The following GRK5 variants were observed in gnomAD, a reference collection of about 807,000 sequenced individuals.
GRK5 encodes the protein g protein-coupled receptor kinase GRK5.
In GRK5, 40 loss-of-function variants were observed where a neutral mutation model predicts 78.4. The observed-to-expected ratio is 0.51, with a 90% CI of 0.40 to 0.66. GRK5 has a LOEUF of 0.66. Ranked by LOEUF, GRK5 falls within the 30% of genes least tolerant of loss-of-function variation. The pLI, the probability that GRK5 is intolerant of heterozygous loss-of-function variation, is 0.00. For synonymous variants in GRK5, 289 were observed against 296.8 expected (o/e 0.97, Z 0.27); for missense variants, 598 against 759.9 (o/e 0.79, Z 2.50).
rs1852829469 is a variant in GRK5, at chr10:119,431,953, G to A, written c.738+426G>A. On this transcript the variant is annotated intron_variant, in intron 8 of 15. Transcript: ENST00000392870. The surrounding 1 kb of genome is among the most constrained non-coding windows in gnomAD (Gnocchi z 4.8). ...TATCAAGTCTGTGTGCATTGTGTTA[G>A]TCAGTCTAGGCTGGGCCCTGCTGCA... Among the ~76,000 whole-genome samples the A allele has an allele frequency of 6.6e-6, 1 of 152,204 alleles. No homozygotes were observed. Among genetic ancestry groups the A allele is most frequent in the African/African-American group, 2.4e-5 (1 of 41,436 alleles).
intron 1 of GRK5, among the ~76,000 whole-genome samples, chr10:119,297,142 T>A (rs1004096479): frequency 2.6e-5 from 4 of 152,124 alleles, no homozygotes; most frequent in African/African-American, 9.7e-5. Flanking sequence ...AGTCGGGAGT[T>A]GTATGGGCCC....
intron 5 of GRK5, among the ~76,000 whole-genome samples, chr10:119,424,105 T>C (rs1441596143): frequency 6.6e-6 from 1 of 152,172 alleles, no homozygotes; most frequent in African/African-American, 2.4e-5. Flanking sequence ...AGAGAGGCCC[T>C]GGTGGGCAGA....
At chr10:119,420,630 G>T (rs1852553640) in intron 4 of GRK5, among the ~76,000 whole-genome samples, 1 of 148,794 alleles carries the variant, frequency 6.7e-6, no homozygotes, top group Admixed American at 6.8e-5. Context: ...CTAGGCTGTA[G>T]TGCAGTGGTG....
chr10:119,362,723 A>C (rs1851386240), intron 2 of GRK5, among the ~76,000 whole-genome samples: 3 of 152,156 alleles, frequency 2.0e-5, no homozygotes, highest in Admixed American at 2.0e-4. Flanking sequence ...GCTGCCCAAG[A>C]AGCATGGGAC....
chr10:119,375,226 A>G (rs1851604148), intron 2 of GRK5, among the ~76,000 whole-genome samples: 1 of 152,090 alleles, frequency 6.6e-6, no homozygotes, highest in Non-Finnish European at 1.5e-5. Flanking sequence ...ACACTTCAGC[A>G]CACCCTGCAG....
chr10:119,304,702 G>A (rs192769037), intron 1 of GRK5, among the ~76,000 whole-genome samples: 17 of 152,250 alleles, frequency 1.1e-4, no homozygotes, highest in Admixed American at 9.8e-4. Context: ...AGTGCACCAC[G>A]CTGCCTGCTC....
Position 119,337,393 on chromosome 10 carries a change from G to A in GRK5, c.148+10782G>A, listed in dbSNP as rs577726603. 3.9e-5 allele frequency among the ~76,000 whole-genome samples: 6 copies of A among 152,298 alleles called. No homozygotes were observed. In the East Asian group the frequency reaches 9.6e-4, roughly 24 times the overall value. ...GTGGCTTAAGCAGCAGCAGTTTATT[G>A]TCTCACAGTTCTGGAGGCTGGAAGT... On this transcript the variant is annotated intron_variant, in intron 2 of 15. Transcript: ENST00000392870.
At chr10:119,374,867 TG>T (rs1851599623) in intron 2 of GRK5, among the ~76,000 whole-genome samples, 1 of 152,170 alleles carries the variant, frequency 6.6e-6, no homozygotes, top group East Asian at 1.9e-4. Context: ...TGCCTGCTCC[TG>T]CTTCACCTTC....
intron 1 of GRK5, among the ~76,000 whole-genome samples, chr10:119,293,131 T>C (rs947306501): frequency 3.9e-5 from 6 of 152,214 alleles, no homozygotes; most frequent in Non-Finnish European, 8.8e-5. Flanking sequence ...TTGTTTAAGG[T>C]TATGCAGCCA....
chr10:119,394,374 G>A (rs373203308), intron 3 of GRK5, among the ~76,000 whole-genome samples: 29 of 14,576 alleles, frequency 2.0e-3, no homozygotes, highest in South Asian at 3.5e-3. Context: ...GTGTGTGGGT[G>A]TCGGTGTGTG....
chr10:119,275,235 T>C (rs560465486), intron 1 of GRK5, among the ~76,000 whole-genome samples: 1 of 152,288 alleles, frequency 6.6e-6, no homozygotes, highest in African/African-American at 2.4e-5. Flanking sequence ...TGGAGTAAAG[T>C]GTCAGGGCAC....
chr10:119,303,838 G>C (rs1309112948), intron 1 of GRK5, among the ~76,000 whole-genome samples: 1 of 152,008 alleles, frequency 6.6e-6, no homozygotes, highest in African/African-American at 2.4e-5. Flanking sequence ...TGGCATGGAA[G>C]GTGGGGGAGG....
chr10:119,452,634 C>A lies in GRK5; in HGVS notation c.1405-37C>A. Reference sequence around the variant, plus strand: ...GGCTCGGGGCCACTGGAGCCGCAGGCGGGACATATGTGTGACCGGCCCTCT... The same window carrying A: ...GGCTCGGGGCCACTGGAGCCGCAGGAGGGACATATGTGTGACCGGCCCTCT... On this transcript the variant is annotated intron_variant, in intron 13 of 15. Coordinates refer to ENST00000392870, the MANE Select transcript of GRK5 (RefSeq NM_005308.3). The surrounding 1 kb of genome is among the most constrained non-coding windows in gnomAD (Gnocchi z 4.4). 1.9e-6 allele frequency: 3 copies of A among 1,611,424 alleles called. No homozygotes were observed. Among genetic ancestry groups the A allele is most frequent in the Non-Finnish European group, 2.5e-6 (3 of 1,178,752 alleles).
chr10:119,252,421 G>A (rs765739847), intron 1 of GRK5, among the ~76,000 whole-genome samples: 2 of 152,148 alleles, frequency 1.3e-5, no homozygotes, highest in Non-Finnish European at 2.9e-5. Context: ...CTGGGGGTAG[G>A]GGAGAAGTGT....
chr10:119,330,627 C>T (rs899652194), intron 2 of GRK5, among the ~76,000 whole-genome samples: 8 of 152,264 alleles, frequency 5.3e-5, no homozygotes, highest in African/African-American at 1.9e-4. Flanking sequence ...TGCACCCTGG[C>T]TTTCCACCTC....
At chr10:119,279,733 GCACT>G (rs1184988380) in intron 1 of GRK5, among the ~76,000 whole-genome samples, 1 of 152,134 alleles carries the variant, frequency 6.6e-6, no homozygotes, top group Non-Finnish European at 1.5e-5. Flanking sequence ...CCACGCAGCA[GCACT>G]GATGTGCGTG....
chr10:119,319,614 C>T (rs551503370), intron 1 of GRK5, among the ~76,000 whole-genome samples: 5 of 152,332 alleles, frequency 3.3e-5, no homozygotes, highest in East Asian at 1.9e-4. Context: ...TGACTCATTA[C>T]GGGTACCTGG....
At position 119,312,158 on chromosome 10, in the gene GRK5, C is replaced by T. The variant is rs183035212; in HGVS notation, c.53-14358C>T. On this transcript the variant is annotated intron_variant, in intron 1 of 15. Transcript: ENST00000392870. ...GATCTCCTGACCTCGTGTGGTGATCCGCCCGCCTCGGCCTCCCAAAGTGCT... is the reference window on the plus strand; with the variant it reads ...GATCTCCTGACCTCGTGTGGTGATCTGCCCGCCTCGGCCTCCCAAAGTGCT... Among the ~76,000 whole-genome samples, 355 of 152,274 alleles carry T rather than the reference C, an allele frequency of 2.3e-3. 1 individual carries two copies. Among genetic ancestry groups the T allele is most frequent in the African/African-American group, 7.9e-3 (330 of 41,572 alleles).
chr10:119,325,232 T>C (rs1046171734), intron 1 of GRK5, among the ~76,000 whole-genome samples: 3 of 152,200 alleles, frequency 2.0e-5, no homozygotes, highest in African/African-American at 2.4e-5. Flanking sequence ...CTTTCAGCTT[T>C]GGGAGGAAGG....
Sources: allele counts gnomAD v4.1 joint callset (sites outside exome capture counted in the v4.1 genomes callset), GRCh38; gene constraint gnomAD v4.1.1; non-coding constraint Gnocchi (gnomAD v3.1); transcripts MANE v1.5; gene names NCBI Gene and HGNC (gene_info 2026-07-23, HGNC 2026-07-21).